SUGT1: variants seen among roughly 807,000 people sequenced by gnomAD.
SUGT1 encodes protein SGT1 homolog.
In SUGT1, 15 loss-of-function variants were observed where a neutral mutation model predicts 56.1. That is an observed-to-expected ratio of 0.27 (90% CI 0.18 to 0.41). The LOEUF is 0.41. SUGT1 is among the 10% of genes least tolerant of loss of function. The pLI is 1.00. For synonymous variants in SUGT1, 123 were observed against 128.6 expected (o/e 0.96, Z 0.30); for missense variants, 347 against 382.2 (o/e 0.91, Z 0.77).
At chr13:52,682,646 T>C (rs1019842052) in intron 12 of SUGT1, among the ~76,000 whole-genome samples, 1 of 152,224 alleles carries the variant, frequency 6.6e-6, no homozygotes, top group African/African-American at 2.4e-5. Context: ...TGCACCTTTC[T>C]TAAAAATCAG....
rs1007583053 is a variant in SUGT1 at position 52,693,710 on chromosome 13, T to C, written c.*5875T>C. The C allele has an allele frequency of 6.6e-6, 1 of 151,508 alleles. No individual in the cohort carries two copies. The highest frequency in any genetic ancestry group is 2.4e-5 in the African/African-American group (1 of 40,824). 9.4% of individuals were successfully genotyped at this position (151,508 alleles called of 1,614,324 possible). ...TCCAGAAGGCTCAAAATACTAATGT[T>C]TTGTGTGTGTGTGTGTGTGTGCATG... On this transcript the variant is annotated 3_prime_UTR_variant, in exon 13 of 13. Coordinates refer to ENST00000310528, the MANE Select transcript of SUGT1 (RefSeq NM_006704.5).
chr13:52,665,247 T>G (rs1962646095), intron 8 of SUGT1, among the ~76,000 whole-genome samples: 1 of 152,180 alleles, frequency 6.6e-6, no homozygotes, highest in African/African-American at 2.4e-5. Flanking sequence ...AAATAGGGAT[T>G]TAAGTGTTTA....
At chr13:52,672,564 T>A (rs982987886) in intron 10 of SUGT1, among the ~76,000 whole-genome samples, 1 of 152,146 alleles carries the variant, frequency 6.6e-6, no homozygotes, top group Non-Finnish European at 1.5e-5. Flanking sequence ...GATGTAGCAA[T>A]TAAATGTGAA....
At chr13:52,674,238 G>A (rs1247782957) in intron 10 of SUGT1, among the ~76,000 whole-genome samples, 1 of 151,810 alleles carries the variant, frequency 6.6e-6, no homozygotes, top group South Asian at 2.1e-4. Flanking sequence ...TTTTAGTAGA[G>A]ACAGGGTTTT....
At chr13:52,659,734 G>A (rs1222417884) in intron 5 of SUGT1, among the ~76,000 whole-genome samples, 1 of 141,250 alleles carries the variant, frequency 7.1e-6, no homozygotes, top group African/African-American at 2.6e-5. Context: ...GGGAATATAT[G>A]AAAAGTATCA....
At position 52,680,119 on chromosome 13, in the gene SUGT1, T is replaced by C. The variant is rs774296329; in HGVS notation, c.864T>C (p.Gly288=). 12 of 1,591,018 alleles carry C rather than the reference T, an allele frequency of 7.5e-6. No homozygotes were observed. Among genetic ancestry groups the C allele is most frequent in the Non-Finnish European group, 9.4e-6 (11 of 1,173,626 alleles). Residue 288 remains glycine, a synonymous_variant, in exon 12 of 13, where the codon GGT becomes GGC. Coordinates refer to ENST00000310528, the MANE Select transcript of SUGT1 (RefSeq NM_006704.5). ...NRLFQQIYSD[G]SDEVKRAMNK... Reference sequence around the variant, plus strand: ...TATTTCAGCAGATCTATTCAGATGGTTCTGATGAAGTGAAACGTGCCATGA... The same window carrying C: ...TATTTCAGCAGATCTATTCAGATGGCTCTGATGAAGTGAAACGTGCCATGA...
chr13:52,665,811 G>A, intron 9 of SUGT1, 78 bp downstream of exon 9: 1 of 913,482 alleles, frequency 1.1e-6, no homozygotes, highest in Non-Finnish European at 1.6e-6. Context: ...ATCGATAACG[G>A]TTTATCAGAT....
intron 7 of SUGT1, 49 bp downstream of exon 7, chr13:52,663,161 G>A (rs770961595): frequency 6.3e-7 from 1 of 1,575,670 alleles, no homozygotes; most frequent in South Asian, 1.2e-5. Flanking sequence ...TTAAATTTCA[G>A]CTACCAAATA....
intron 8 of SUGT1, 33 bp from the exon 9 acceptor site, chr13:52,665,604 G>A (rs1269663703): frequency 4.1e-6 from 6 of 1,473,728 alleles, no homozygotes; most frequent in Non-Finnish European, 5.5e-6. Flanking sequence ...AAAATTAGAA[G>A]AGTTACCTAA....
In SUGT1 at chr13:52,695,419, T is replaced by C. The variant is rs1383146154; in HGVS notation, c.*7584T>C. Reference sequence around the variant, plus strand: ...CTGATACTTTCATAATTGTGTGTTTTGAGGGCAAGTGACTTATCTGAACTT... The same window carrying C: ...CTGATACTTTCATAATTGTGTGTTTCGAGGGCAAGTGACTTATCTGAACTT... On this transcript the variant is annotated 3_prime_UTR_variant, in exon 13 of 13. Coordinates refer to ENST00000310528, the MANE Select transcript of SUGT1 (RefSeq NM_006704.5). 6.6e-6 allele frequency: 1 copy of C among 152,244 alleles called. No individual in the cohort carries two copies. The highest frequency in any genetic ancestry group is 1.5e-5 in the Non-Finnish European group (1 of 68,044). 9.4% of individuals were successfully genotyped at this position (152,244 alleles called of 1,614,324 possible).
chr13:52,666,966 A>G (rs773592091), intron 10 of SUGT1, 47 bp downstream of exon 10: 6 of 1,313,256 alleles, frequency 4.6e-6, no homozygotes, highest in South Asian at 1.2e-5. Flanking sequence ...TCAAAATTAT[A>G]GAAATACTGG....
chr13:52,674,053 CTTTTT>C (rs765220996), intron 10 of SUGT1, among the ~76,000 whole-genome samples: 4 of 107,962 alleles, frequency 3.7e-5, no homozygotes, highest in Non-Finnish European at 7.0e-5. Context: ...AGATAGTATA[CTTTTT>C]TTTTTTTTTT....
Position 52,653,054 on chromosome 13 carries a change from A to G in SUGT1, c.47A>G (p.Gln16Arg). 6.2e-7 allele frequency: 1 copy of G among 1,614,026 alleles called. No individual in the cohort carries two copies. The highest frequency in any genetic ancestry group is 8.5e-7 in the Non-Finnish European group (1 of 1,180,000). The change falls in exon 2 of 13, where the codon CAG (glutamine) becomes CGG (arginine). Residue 16 changes from glutamine to arginine, a missense_variant. Transcript: ENST00000310528. ...AGTATSQRFF[Q>R]SFSDALIDED... ...CGTTGTTTTCCTGACAGGTTTTTCC[A>G]GAGCTTCTCGGATGCCCTAATCGAC...
chr13:52,674,758 CTG>C (rs1458033235), intron 10 of SUGT1, among the ~76,000 whole-genome samples: 1 of 152,102 alleles, frequency 6.6e-6, no homozygotes, highest in East Asian at 1.9e-4. Context: ...CTCATTTAAA[CTG>C]TTTTATATAA....
intron 5 of SUGT1, among the ~76,000 whole-genome samples, chr13:52,662,308 G>A (rs1962493412): frequency 6.6e-6 from 1 of 152,202 alleles, no homozygotes; most frequent in Admixed American, 6.5e-5. Context: ...CATATTGGGA[G>A]TCTGATTTAC....
chr13:52,655,630 G>A (rs1962129983), intron 2 of SUGT1, among the ~76,000 whole-genome samples: 1 of 152,142 alleles, frequency 6.6e-6, no homozygotes, highest in African/African-American at 2.4e-5. Context: ...TATAAGGGAT[G>A]TCTCCTGAGT....
At chr13:52,659,463 T>G (rs991613506) in intron 5 of SUGT1, among the ~76,000 whole-genome samples, 11 of 152,094 alleles carry the variant, frequency 7.2e-5, no homozygotes, top group Non-Finnish European at 1.3e-4. Flanking sequence ...ACTTCACCAT[T>G]AGAAGTAAAA....
rs1222032023 is a variant in SUGT1 at position 52,694,781 on chromosome 13, C to T, written c.*6946C>T. The T allele has an allele frequency of 6.6e-6, 1 of 152,298 alleles. No individual in the cohort carries two copies. Among genetic ancestry groups the T allele is most frequent in the Non-Finnish European group, 1.5e-5 (1 of 68,100 alleles). 9.4% of individuals were successfully genotyped at this position (152,298 alleles called of 1,614,324 possible). On this transcript the variant is annotated 3_prime_UTR_variant, in exon 13 of 13. Coordinates refer to ENST00000310528, the MANE Select transcript of SUGT1 (RefSeq NM_006704.5). ...TTTGGCTCACTGCAAGCTCCGCCTC[C>T]CGGTTCACGCCATTCTCATGCCTCA...
Position 52,689,931 on chromosome 13 carries a change from T to A in SUGT1, c.*2096T>A, listed in dbSNP as rs1963728557. 6.7e-6 allele frequency: 1 copy of A among 149,606 alleles called. No homozygotes were observed. Among genetic ancestry groups the A allele is most frequent in the African/African-American group, 2.5e-5 (1 of 40,386 alleles). 9.3% of individuals were successfully genotyped at this position (149,606 alleles called of 1,614,324 possible). The stretch of plus-strand genomic sequence containing the variant: ...GTGCAGTGAGCCAAGATCATGCCAC[T>A]GCACTCCAGCCTGGGCGACTCCATC... On this transcript the variant is annotated 3_prime_UTR_variant, in exon 13 of 13. Transcript: ENST00000310528.
Sources: allele counts gnomAD v4.1 joint callset (sites outside exome capture counted in the v4.1 genomes callset), GRCh38; gene constraint gnomAD v4.1.1; transcripts MANE v1.5; gene names NCBI Gene and HGNC (gene_info 2026-07-23, HGNC 2026-07-21).